Variants in IL33 observed in about 807,000 individuals in gnomAD.
IL33 encodes the protein interleukin-33.
A neutral mutation model predicts 27.3 loss-of-function variants in IL33; 37 were observed. The observed-to-expected ratio is 1.36, with a 90% CI of 1.04 to 1.78. The LOEUF is 1.78. Ranked by LOEUF, IL33 falls within the 40% of genes most tolerant of loss-of-function variation. The pLI is 0.00. For synonymous variants in IL33, 132 were observed against 102.9 expected, an observed-to-expected ratio of 1.28 and a Z score of -1.71; for missense variants, 406 against 311.4, an observed-to-expected ratio of 1.30 and a Z score of -2.29.
chr9:6,237,584 C>T (rs1397971251), intron 1 of IL33, among the ~76,000 whole-genome samples: 1 of 152,078 alleles, frequency 6.6e-6, no homozygotes, highest in East Asian at 1.9e-4. Flanking sequence ...GTTATGAGAT[C>T]AAATAACTAC....
chr9:6,253,662 A>C, intron 6 of IL33, 60 bp downstream of exon 6: 1 of 1,302,486 alleles, frequency 7.7e-7, no homozygotes, highest in Non-Finnish European at 1.1e-6. Flanking sequence ...GTAAAGATAA[A>C]TCCAAAAAAA....
intron 1 of IL33, among the ~76,000 whole-genome samples, chr9:6,220,816 C>T (rs891137710): frequency 2.0e-5 from 3 of 152,066 alleles, no homozygotes; most frequent in East Asian, 3.9e-4. Context: ...AGCAGTAGCT[C>T]GATCACAACT....
At chr9:6,221,620 T>A (rs1023118857) in intron 1 of IL33, among the ~76,000 whole-genome samples, 3 of 152,234 alleles carry the variant, frequency 2.0e-5, no homozygotes, top group Non-Finnish European at 2.9e-5. Flanking sequence ...ATCCAATTTT[T>A]TTCTAGGCAT....
At chr9:6,252,644 G>A (rs1444656204) in intron 4 of IL33, among the ~76,000 whole-genome samples, 2 of 152,066 alleles carry the variant, frequency 1.3e-5, no homozygotes, top group Admixed American at 6.6e-5. Flanking sequence ...ACACTCACAT[G>A]GCCTCCCAGG....
At chr9:6,221,532 C>G (rs1279747744) in intron 1 of IL33, among the ~76,000 whole-genome samples, 1 of 151,942 alleles carries the variant, frequency 6.6e-6, no homozygotes, top group Non-Finnish European at 1.5e-5. Context: ...TGTGATGTGA[C>G]AGAAAAAAAT....
chr9:6,243,497 G>A (rs926172309), intron 2 of IL33, among the ~76,000 whole-genome samples: 2 of 152,094 alleles, frequency 1.3e-5, no homozygotes, highest in African/African-American at 4.8e-5. Context: ...GGAATTACAG[G>A]CACACACCAC....
At chr9:6,253,112 G>A in intron 5 of IL33, 121 bp downstream of exon 5, 1 of 683,230 alleles carries the variant, frequency 1.5e-6, no homozygotes, top group South Asian at 2.3e-5. Flanking sequence ...GTCATGCTGT[G>A]TGCTAACTCT....
At chr9:6,236,415 A>G (rs1025433704) in intron 1 of IL33, among the ~76,000 whole-genome samples, 1 of 152,182 alleles carries the variant, frequency 6.6e-6, no homozygotes, top group African/African-American at 2.4e-5. Context: ...AATCAGAAAA[A>G]AATTACTTTA....
At chr9:6,248,240 C>CT (rs1179234471) in intron 2 of IL33, among the ~76,000 whole-genome samples, 57 of 84,854 alleles carry the variant, frequency 6.7e-4, no homozygotes, top group African/African-American at 8.7e-4. Context: ...CTTTTCTTTT[C>CT]TTTTTTTTTT....
intron 1 of IL33, among the ~76,000 whole-genome samples, chr9:6,232,715 T>G (rs2130211834): frequency 6.6e-6 from 1 of 152,302 alleles, no homozygotes; most frequent in South Asian, 2.1e-4. Flanking sequence ...CTTTCCTTTC[T>G]GGTCACTAGG....
chr9:6,240,411 G>T (rs1319813302), intron 1 of IL33, among the ~76,000 whole-genome samples: 1 of 152,094 alleles, frequency 6.6e-6, no homozygotes, highest in South Asian at 2.1e-4. Context: ...AGGAATGTCT[G>T]GGTTAAAATA....
chr9:6,215,181 T>C (rs1177847264), upstream of IL33, among the ~76,000 whole-genome samples: 1 of 152,086 alleles, frequency 6.6e-6, no homozygotes, highest in East Asian at 1.9e-4. Context: ...AGAGGGTGAG[T>C]AGGAGCAAAA....
chr9:6,220,313 G>A (rs1818355328), intron 1 of IL33, among the ~76,000 whole-genome samples: 2 of 152,140 alleles, frequency 1.3e-5, no homozygotes. Flanking sequence ...GTGCATCTGA[G>A]ACCTTTTGCA....
chr9:6,233,244 T>C (rs977660395), intron 1 of IL33, among the ~76,000 whole-genome samples: 7 of 152,206 alleles, frequency 4.6e-5, no homozygotes, highest in African/African-American at 1.7e-4. Context: ...AACCAATGCT[T>C]ATTTCTCTTA....
intron 1 of IL33, among the ~76,000 whole-genome samples, chr9:6,220,595 C>T (rs977677577): frequency 3.5e-4 from 54 of 152,250 alleles, no homozygotes; most frequent in African/African-American, 1.3e-3. Context: ...TTCCTCAAAT[C>T]TGAATTTATT....
intron 1 of IL33, among the ~76,000 whole-genome samples, chr9:6,219,488 GTATTTTT>G (rs1818322008): frequency 6.6e-6 from 1 of 152,044 alleles, no homozygotes; most frequent in Non-Finnish European, 1.5e-5. Flanking sequence ...TTTTTGTTTT[GTATTTTT>G]TAAGTGAAGA....
Position 6,218,510 on chromosome 9 carries a change from T to C in IL33, c.-12+2658T>C, listed in dbSNP as rs539259833. Reference sequence around the variant, plus strand: ...TCGGGGAAATAGGCATGAAATTCAATTGTGAAAAGTTAAGCTCCATCAGGG... The same window carrying C: ...TCGGGGAAATAGGCATGAAATTCAACTGTGAAAAGTTAAGCTCCATCAGGG... On this transcript the variant is annotated intron_variant, in intron 1 of 7. Transcript: ENST00000682010. Among the ~76,000 whole-genome samples the C allele has an allele frequency of 4.0e-5, 6 of 151,696 alleles. No homozygotes were observed. In the South Asian group the frequency reaches 8.3e-4, roughly 21 times the overall value.
At chr9:6,236,321 A>G (rs535517447) in intron 1 of IL33, among the ~76,000 whole-genome samples, 10 of 152,334 alleles carry the variant, frequency 6.6e-5, no homozygotes, top group South Asian at 4.1e-4. Flanking sequence ...AATTTTTTAC[A>G]TAGAAAAAAG....
intron 1 of IL33, among the ~76,000 whole-genome samples, chr9:6,227,041 C>T (rs1564051907): frequency 1.3e-5 from 2 of 152,262 alleles, no homozygotes; most frequent in African/African-American, 4.8e-5. Flanking sequence ...TTTCAGACTA[C>T]AAAGCCATGT....
Sources: allele counts gnomAD v4.1 joint callset (sites outside exome capture counted in the v4.1 genomes callset), GRCh38; gene constraint gnomAD v4.1.1; transcripts MANE v1.5; gene names NCBI Gene and HGNC (gene_info 2026-07-23, HGNC 2026-07-21).